B3GALT1: variants seen among roughly 807,000 people sequenced by gnomAD.
The protein encoded by B3GALT1 is beta-1,3-galactosyltransferase 1, also known as UDP-Gal:betaGlcNAc beta 1,3-galactosyltransferase, polypeptide 1.
In B3GALT1, 10 loss-of-function variants were observed where a neutral mutation model predicts 23.2. The observed-to-expected ratio is 0.43, with a 90% confidence interval of 0.27 to 0.73. The LOEUF (loss-of-function observed/expected upper bound fraction) is 0.73. Among genes scored for constraint, B3GALT1 ranks in the 30% least tolerant of loss-of-function variants. The probability of loss-of-function intolerance (pLI) is 0.21; values close to 1 mark genes in which losing one functional copy is unlikely to be tolerated. For synonymous variants in B3GALT1, 156 were observed against 141.5 expected, an observed-to-expected ratio of 1.10 and a Z score of -0.73; for missense variants, 299 against 405.4, an observed-to-expected ratio of 0.74 and a Z score of 2.25.
At chr2:167,779,803 A>C (rs1688217753) in intron 3 of B3GALT1, among the ~76,000 whole-genome samples, 1 of 152,096 alleles carries the variant, frequency 6.6e-6, no homozygotes, top group African/African-American at 2.4e-5. Context: ...GCCACTCAAA[A>C]CTCCCAACTG....
chr2:167,572,123 AACAG>A, intron 2 of B3GALT1, among the ~76,000 whole-genome samples: 1 of 151,938 alleles, frequency 6.6e-6, no homozygotes, highest in East Asian at 1.9e-4. Context: ...AGTTAGTAGA[AACAG>A]AAGTAAAGGG....
intron 2 of B3GALT1, among the ~76,000 whole-genome samples, chr2:167,580,527 GTATC>G (rs1173789195): frequency 2.6e-5 from 4 of 152,078 alleles, no homozygotes; most frequent in African/African-American, 9.7e-5. Flanking sequence ...ATGAGAAACT[GTATC>G]TAACTTCACA....
intron 2 of B3GALT1, among the ~76,000 whole-genome samples, chr2:167,497,156 A>G (rs951990928): frequency 1.1e-4 from 17 of 152,206 alleles, no homozygotes; most frequent in African/African-American, 4.1e-4. Flanking sequence ...AGCAATATCT[A>G]ATAAAGAGAA....
At chr2:167,788,951 C>T (rs1688387009) in intron 3 of B3GALT1, among the ~76,000 whole-genome samples, 1 of 152,118 alleles carries the variant, frequency 6.6e-6, no homozygotes, top group African/African-American at 2.4e-5. Context: ...TATATTTTCT[C>T]CCAGGCAGAG....
chr2:167,658,419 C>T (rs1685994120), intron 3 of B3GALT1, among the ~76,000 whole-genome samples: 1 of 151,902 alleles, frequency 6.6e-6, no homozygotes, highest in African/African-American at 2.4e-5. Flanking sequence ...GAGATTGGAT[C>T]CAAATCCCGA....
At chr2:167,306,955 A>C (rs1380398848) in intron 1 of B3GALT1, among the ~76,000 whole-genome samples, 1 of 152,072 alleles carries the variant, frequency 6.6e-6, no homozygotes, top group East Asian at 1.9e-4. Context: ...TAGAATAATT[A>C]CTTAGAAAAA....
chr2:167,827,397 C>T (rs111947905), intron 4 of B3GALT1, among the ~76,000 whole-genome samples: 152 of 152,332 alleles, frequency 1.0e-3, no homozygotes, highest in African/African-American at 3.2e-3. Context: ...GGAAATATGA[C>T]GAGATCCTTG....
chr2:167,454,626 C>G (rs931163748), intron 1 of B3GALT1, among the ~76,000 whole-genome samples: 3 of 152,030 alleles, frequency 2.0e-5, no homozygotes, highest in Non-Finnish European at 4.4e-5. Context: ...CCTTGTTCTC[C>G]TGGAAAACTG....
At chr2:167,860,960 C>T (rs1690088473) in intron 4 of B3GALT1, among the ~76,000 whole-genome samples, 1 of 151,046 alleles carries the variant, frequency 6.6e-6, no homozygotes, top group Non-Finnish European at 1.5e-5. Context: ...ACAAATTTTT[C>T]AACCTTTGAA....
rs1690289865 is a variant in B3GALT1, at chr2:167,869,056, C to G, written c.17C>G (p.Ser6Cys). 1 of 1,608,486 alleles carries G rather than the reference C, an allele frequency of 6.2e-7. No homozygotes were observed. Among genetic ancestry groups the G allele is most frequent in the Non-Finnish European group, 8.5e-7 (1 of 1,176,948 alleles). Reference sequence around the variant, plus strand: ...CTCAAGACAATGGCTTCAAAGGTCTCCTGTTTGTATGTTTTGACAGTTGTG... The same window carrying G: ...CTCAAGACAATGGCTTCAAAGGTCTGCTGTTTGTATGTTTTGACAGTTGTG... MASKVSCLYVLTVVCW... is the reference protein window; with the variant it reads MASKVCCLYVLTVVCW... Residue 6 changes from serine to cysteine, a missense_variant, in exon 5 of 5, where the codon TCC becomes TGC. Physicochemically the swap from Ser to Cys is moderately radical, Grantham distance 112. Around this residue, in one of 3 missense-constraint regions of B3GALT1, gnomAD observed 162 missense variants for 184.1 expected, o/e 0.88. Coordinates refer to ENST00000392690, the MANE Select transcript of B3GALT1 (RefSeq NM_020981.4). The surrounding 1 kb of genome is among the most constrained non-coding windows in gnomAD (Gnocchi z 6.4).
intron 3 of B3GALT1, among the ~76,000 whole-genome samples, chr2:167,676,514 TATAC>T (rs772512184): frequency 1.3e-4 from 12 of 93,294 alleles, no homozygotes; most frequent in East Asian, 3.2e-4. Flanking sequence ...CGTGTATGTT[TATAC>T]ACACACACAC....
chr2:167,439,573 CT>C (rs1232352131), intron 1 of B3GALT1, among the ~76,000 whole-genome samples: 1 of 151,528 alleles, frequency 6.6e-6, no homozygotes, highest in African/African-American at 2.4e-5. Flanking sequence ...TATTATTATA[CT>C]TTAAGTTTTA....
In B3GALT1 at chr2:167,724,983, T is replaced by G. The variant is rs551695201; in HGVS notation, c.-352+78017T>G. ...AACATGACCACTGGAGAACCCCAGT[T>G]TTATTATTCAGAAATGACAATGAGA... is the stretch of plus-strand genomic sequence containing the variant. On this transcript the variant is annotated intron_variant, in intron 3 of 4. Transcript: ENST00000392690. Among the ~76,000 whole-genome samples the G allele has an allele frequency of 2.6e-5, 4 of 152,310 alleles. No homozygotes were observed. The South Asian group carries it at 8.3e-4, about 32-fold the overall frequency.
chr2:167,788,322 T>C (rs1308775037), intron 3 of B3GALT1, among the ~76,000 whole-genome samples: 1 of 152,000 alleles, frequency 6.6e-6, no homozygotes, highest in East Asian at 1.9e-4. Flanking sequence ...ATTACACTTA[T>C]TGTGCACCTT....
chr2:167,719,316 T>C (rs1309098001), intron 3 of B3GALT1, among the ~76,000 whole-genome samples: 3 of 152,222 alleles, frequency 2.0e-5, no homozygotes, highest in Admixed American at 1.3e-4. Flanking sequence ...TTTTTAGTTA[T>C]GAATTTTGCA....
intron 2 of B3GALT1, among the ~76,000 whole-genome samples, chr2:167,520,140 A>G (rs1303547014): frequency 2.0e-5 from 3 of 152,190 alleles, no homozygotes; most frequent in Non-Finnish European, 4.4e-5. Context: ...TGGAATTAAA[A>G]GATAAAAATA....
At chr2:167,698,166 A>C (rs998641810) in intron 3 of B3GALT1, among the ~76,000 whole-genome samples, 2 of 152,182 alleles carry the variant, frequency 1.3e-5, no homozygotes, top group Admixed American at 6.5e-5. Context: ...TTTGCAAATT[A>C]GTAGTTCTAT....
intron 2 of B3GALT1, among the ~76,000 whole-genome samples, chr2:167,591,194 T>C (rs1291090314): frequency 6.6e-6 from 1 of 152,140 alleles, no homozygotes; most frequent in Non-Finnish European, 1.5e-5. Flanking sequence ...CGTAAAAATT[T>C]GAGAGAGGAT....
At chr2:167,630,057 A>G in intron 2 of B3GALT1, among the ~76,000 whole-genome samples, 1 of 151,794 alleles carries the variant, frequency 6.6e-6, no homozygotes, top group East Asian at 1.9e-4. Context: ...AACACAGACA[A>G]TATTTGACCT....
Sources: gnomAD v4.1 joint callset for allele counts (sites outside exome capture counted in the v4.1 genomes callset) on GRCh38, gnomAD v4.1.1 for gene constraint, gnomAD v4.1.1 regional missense constraint, Gnocchi (gnomAD v3.1) non-coding constraint, MANE v1.5 for transcripts, NCBI Gene and HGNC (gene_info 2026-07-23, HGNC 2026-07-21) for gene names.